IQCK: variants seen among roughly 807,000 people sequenced by gnomAD.
The protein encoded by IQCK is IQ motif containing K.
Under a neutral mutation model 28.1 loss-of-function variants are expected in IQCK, and 29 were observed. The ratio of observed to expected loss-of-function variants is 1.03; its 90% confidence interval spans 0.77 to 1.41. The LOEUF (loss-of-function observed/expected upper bound fraction) is 1.41, where lower values mean the gene tolerates loss of function less well. Among genes scored for constraint, IQCK ranks in the 40% most tolerant of loss-of-function variants. The pLI, the probability that IQCK is intolerant of heterozygous loss-of-function variation, is 0.00. For synonymous variants in IQCK, 113 were observed against 115.1 expected (o/e 0.98, Z 0.12); for missense variants, 359 against 314.7 (o/e 1.14, Z -1.07).
chr16:19,819,326 C>G (rs1432350170), intron 7 of IQCK, among the ~76,000 whole-genome samples: 1 of 151,984 alleles, frequency 6.6e-6, no homozygotes, highest in African/African-American at 2.4e-5. Flanking sequence ...AATTCCGTCT[C>G]TACTAAAAAT....
At chr16:19,757,374 T>C (rs1203825213) in intron 4 of IQCK, among the ~76,000 whole-genome samples, 1 of 152,218 alleles carries the variant, frequency 6.6e-6, no homozygotes, top group Non-Finnish European at 1.5e-5. Context: ...TGAACCGCTG[T>C]TAATTTCCTC....
intron 1 of IQCK, among the ~76,000 whole-genome samples, chr16:19,721,999 C>A (rs1389707616): frequency 6.6e-6 from 1 of 152,164 alleles, no homozygotes; most frequent in Non-Finnish European, 1.5e-5. Flanking sequence ...TAAAATCTGG[C>A]CTTTCATTTC....
intron 4 of IQCK, 66 bp from the exon 5 acceptor site, chr16:19,763,782 C>T: frequency 8.3e-7 from 1 of 1,206,536 alleles, no homozygotes; most frequent in Non-Finnish European, 1.2e-6. Context: ...TATAAGTAGA[C>T]CTGTGCAGTT....
chr16:19,754,091 C>T (rs2055021168), intron 4 of IQCK, among the ~76,000 whole-genome samples: 1 of 152,050 alleles, frequency 6.6e-6, no homozygotes, highest in African/African-American at 2.4e-5. Flanking sequence ...TCTCACCTGC[C>T]TTATCAGGGT....
chr16:19,818,469 T>C (rs1422777459), intron 7 of IQCK, among the ~76,000 whole-genome samples: 1 of 152,210 alleles, frequency 6.6e-6, no homozygotes, highest in Non-Finnish European at 1.5e-5. Context: ...CTTGGCTCAC[T>C]GCAACCTCCG....
chr16:19,737,838 C>CT (rs1247000047), intron 4 of IQCK, among the ~76,000 whole-genome samples: 1 of 152,004 alleles, frequency 6.6e-6, no homozygotes, highest in Non-Finnish European at 1.5e-5. Context: ...TCTGCTTCTG[C>CT]TTTTTTTAGA....
rs571754700 is a variant in IQCK at position 19,820,823 on chromosome 16, C to G, written c.691-6203C>G. Among the ~76,000 whole-genome samples the G allele has an allele frequency of 2.6e-5, 4 of 151,996 alleles. No homozygotes were observed. In the East Asian group the frequency reaches 7.7e-4, roughly 29 times the overall value. On this transcript the variant is annotated intron_variant, in intron 7 of 7. Coordinates refer to ENST00000564186, the Ensembl canonical transcript of IQCK. Reference sequence around the variant, plus strand: ...CATATAATAAACTCTTACAACTCAACAACAAAATGACAAGCAACCCACTGT... The same window carrying G: ...CATATAATAAACTCTTACAACTCAAGAACAAAATGACAAGCAACCCACTGT...
intron 6 of IQCK, among the ~76,000 whole-genome samples, chr16:19,779,617 C>G (rs977927097): frequency 6.6e-6 from 1 of 152,110 alleles, no homozygotes; most frequent in South Asian, 2.1e-4. Context: ...TCTGGTCACT[C>G]TCTCTTTTTA....
chr16:19,808,513 A>G (rs1217302968), intron 7 of IQCK, among the ~76,000 whole-genome samples: 4 of 152,100 alleles, frequency 2.6e-5, no homozygotes, highest in Admixed American at 6.5e-5. Context: ...TTGTATGAGT[A>G]TTTCACTTCT....
In IQCK at chr16:19,769,434, A is replaced by G. The variant is rs576691763; in HGVS notation, c.605+5322A>G. On this transcript the variant is annotated intron_variant, in intron 6 of 7. Transcript: ENST00000564186. ...ATGGGATCGTGAACAAGCCCAACCT[A>G]TAGTAACATGTGGCTTACTAAATGG... 5.3e-5 allele frequency among the ~76,000 whole-genome samples: 8 copies of G among 152,344 alleles called. No individual in the cohort carries two copies. In the South Asian group the frequency reaches 1.4e-3, roughly 28 times the overall value.
intron 7 of IQCK, among the ~76,000 whole-genome samples, chr16:19,823,195 G>C (rs532938637): frequency 2.0e-5 from 3 of 152,172 alleles, no homozygotes; most frequent in South Asian, 2.1e-4. Context: ...GACCAAGGTA[G>C]GAAGTCCCAA....
intron 9 of IQCK, among the ~76,000 whole-genome samples, chr16:19,851,536 G>A (rs1410369264): frequency 1.3e-5 from 2 of 152,172 alleles, no homozygotes; most frequent in African/African-American, 4.8e-5. Context: ...TCTCAGTCCT[G>A]TCACTCACAG....
At chr16:19,729,785 C>CTCGGT (rs1432626630) in intron 1 of IQCK, among the ~76,000 whole-genome samples, 1 of 151,382 alleles carries the variant, frequency 6.6e-6, no homozygotes, top group Non-Finnish European at 1.5e-5. Context: ...GCTGGGACTA[C>CTCGGT]AGGCACCCAC....
intron 1 of IQCK, among the ~76,000 whole-genome samples, chr16:19,726,659 A>G (rs895812662): frequency 6.6e-6 from 1 of 152,238 alleles, no homozygotes; most frequent in African/African-American, 2.4e-5. Context: ...AGAATGGTTC[A>G]TAGCAGGTAA....
intron 7 of IQCK, among the ~76,000 whole-genome samples, chr16:19,823,110 C>T (rs2056098480): frequency 6.6e-6 from 1 of 152,018 alleles, no homozygotes; most frequent in Non-Finnish European, 1.5e-5. Context: ...GTGGGTAACT[C>T]GAGCAAGTTG....
chr16:19,843,864 C>T (rs1247900023), intron 9 of IQCK, among the ~76,000 whole-genome samples: 1 of 152,122 alleles, frequency 6.6e-6, no homozygotes, highest in Non-Finnish European at 1.5e-5. Flanking sequence ...ATCTCCAATA[C>T]AGTTAGATGG....
At chr16:19,839,120 G>A (rs1030309173) in intron 9 of IQCK, among the ~76,000 whole-genome samples, 1 of 150,722 alleles carries the variant, frequency 6.6e-6, no homozygotes. Flanking sequence ...TGGTCACACA[G>A]CTTTGAAGTG....
intron 2 of IQCK, among the ~76,000 whole-genome samples, chr16:19,731,604 T>C (rs1977841873): frequency 6.6e-6 from 1 of 152,220 alleles, no homozygotes. Flanking sequence ...CTTCGTCTCT[T>C]GTGCTATGAT....
At chr16:19,816,547 G>T (rs2055991693) in intron 7 of IQCK, among the ~76,000 whole-genome samples, 2 of 152,224 alleles carry the variant, frequency 1.3e-5, no homozygotes, top group South Asian at 2.1e-4. Context: ...CTCCCAAAGT[G>T]CTGGGATTAC....
Sources: gnomAD v4.1 joint callset for allele counts (sites outside exome capture counted in the v4.1 genomes callset) on GRCh38, gnomAD v4.1.1 for gene constraint, MANE v1.5 for transcripts, NCBI Gene and HGNC (gene_info 2026-07-23, HGNC 2026-07-21) for gene names.